LPAR1: variants seen among roughly 807,000 people sequenced by gnomAD.
The protein encoded by LPAR1 is LPA receptor 1.
LPAR1 carries 5 observed loss-of-function variants against 23.8 expected under a neutral mutation model. The observed-to-expected ratio is 0.21, with a 90% CI of 0.11 to 0.44. The LOEUF is 0.44. Among genes scored for constraint, LPAR1 ranks in the 20% least tolerant of loss-of-function variants. LPAR1 has a pLI of 0.99. For missense variants in LPAR1, 311 were observed against 482.8 expected, an observed-to-expected ratio of 0.64 and a Z score of 3.33; for synonymous variants, 160 against 164.7, an observed-to-expected ratio of 0.97 and a Z score of 0.22.
At chr9:111,016,296 T>A (rs940631586) in intron 2 of LPAR1, among the ~76,000 whole-genome samples, 6 of 152,172 alleles carry the variant, frequency 3.9e-5, no homozygotes, top group African/African-American at 1.4e-4. Flanking sequence ...CCAGGTATCA[T>A]AAATACATGA....
intron 5 of LPAR1, among the ~76,000 whole-genome samples, chr9:110,878,783 TAG>T (rs1323199336): frequency 6.6e-6 from 1 of 152,110 alleles, no homozygotes. Flanking sequence ...AGCCCTAGGA[TAG>T]ATTCTCCAAG....
intron 4 of LPAR1, among the ~76,000 whole-genome samples, chr9:110,954,034 G>T (rs2095655100): frequency 6.6e-6 from 1 of 151,890 alleles, no homozygotes; most frequent in Non-Finnish European, 1.5e-5. Flanking sequence ...AATTATAAGA[G>T]AATTCAGATT....
At chr9:110,900,612 AT>A (rs1342898943) in intron 5 of LPAR1, among the ~76,000 whole-genome samples, 1 of 152,176 alleles carries the variant, frequency 6.6e-6, no homozygotes, top group African/African-American at 2.4e-5. Flanking sequence ...TCTACTTTTA[AT>A]GTTACAGTTT....
At chr9:110,892,910 G>A (rs1413937748) in intron 5 of LPAR1, among the ~76,000 whole-genome samples, 1 of 151,764 alleles carries the variant, frequency 6.6e-6, no homozygotes, top group Non-Finnish European at 1.5e-5. Context: ...GCTTAGTGGT[G>A]CAGGCTGCAC....
chr9:111,008,719 C>T (rs573737720), intron 2 of LPAR1, among the ~76,000 whole-genome samples: 3 of 152,178 alleles, frequency 2.0e-5, no homozygotes, highest in African/African-American at 2.4e-5. Flanking sequence ...AATTTATATC[C>T]GGACACTTGC....
At chr9:110,967,580 T>C (rs554567837) in intron 4 of LPAR1, among the ~76,000 whole-genome samples, 1 of 152,332 alleles carries the variant, frequency 6.6e-6, no homozygotes, top group East Asian at 1.9e-4. Context: ...GGATTTATCT[T>C]TACAAGGTCC....
chr9:110,949,845 G>A (rs1259352726), intron 4 of LPAR1, among the ~76,000 whole-genome samples: 4 of 151,994 alleles, frequency 2.6e-5, no homozygotes, highest in Admixed American at 6.6e-5. Flanking sequence ...AATTTCTTAC[G>A]ACTAAATAGG....
chr9:110,896,256 C>T (rs759309726), intron 5 of LPAR1, among the ~76,000 whole-genome samples: 20 of 152,166 alleles, frequency 1.3e-4, no homozygotes, highest in Non-Finnish European at 2.1e-4. Flanking sequence ...ACATTGCTGA[C>T]AATTTTCTTT....
intron 5 of LPAR1, among the ~76,000 whole-genome samples, chr9:110,930,197 T>C (rs548423923): frequency 6.6e-6 from 1 of 152,168 alleles, no homozygotes; most frequent in East Asian, 1.9e-4. Context: ...TTCTTCTCCA[T>C]AGGATGTTAA....
intron 5 of LPAR1, among the ~76,000 whole-genome samples, chr9:110,876,866 G>C (rs1278634621): frequency 6.6e-6 from 1 of 152,144 alleles, no homozygotes; most frequent in African/African-American, 2.4e-5. Flanking sequence ...GGAAAATGGA[G>C]GTTGTAAAAT....
chr9:110,990,283 A>G (rs1219778696), intron 2 of LPAR1, among the ~76,000 whole-genome samples: 2 of 151,940 alleles, frequency 1.3e-5, no homozygotes, highest in Non-Finnish European at 2.9e-5. Context: ...TCAACCCAAC[A>G]CCAGACTACA....
At chr9:110,962,329 C>T (rs527430998) in intron 4 of LPAR1, among the ~76,000 whole-genome samples, 1 of 152,268 alleles carries the variant, frequency 6.6e-6, no homozygotes, top group South Asian at 2.1e-4. Context: ...CTGTCTTTAC[C>T]AGGTTACTGC....
chr9:110,900,154 T>A (rs1333529940), intron 5 of LPAR1, among the ~76,000 whole-genome samples: 1 of 152,216 alleles, frequency 6.6e-6, no homozygotes, highest in Non-Finnish European at 1.5e-5. Context: ...AGAAATCTGA[T>A]GTGAGTCCTT....
chr9:111,032,549 A>G (rs548917990), intron 2 of LPAR1, among the ~76,000 whole-genome samples: 19 of 152,166 alleles, frequency 1.2e-4, no homozygotes, highest in Non-Finnish European at 2.1e-4. Context: ...ATGGGGGGAA[A>G]AAAAGTTTCC....
chr9:110,975,959 A>G (rs980649857), intron 2 of LPAR1, among the ~76,000 whole-genome samples: 3 of 152,246 alleles, frequency 2.0e-5, no homozygotes, highest in Admixed American at 1.3e-4. Context: ...TCAAAGGTAT[A>G]AATCAGTTTT....
At chr9:110,894,586 G>A (rs2085645377) in intron 5 of LPAR1, among the ~76,000 whole-genome samples, 1 of 152,222 alleles carries the variant, frequency 6.6e-6, no homozygotes, top group Non-Finnish European at 1.5e-5. Flanking sequence ...GTGGGAAGCT[G>A]TATTCCCTAC....
intron 4 of LPAR1, 103 bp from the exon 5 acceptor site, chr9:110,942,271 CA>C: frequency 1.0e-6 from 1 of 985,052 alleles, no homozygotes. Flanking sequence ...AACAGAAAAA[CA>C]AAAGCAAATA....
chr9:110,943,957 A>T (rs2095280792), intron 4 of LPAR1, among the ~76,000 whole-genome samples: 1 of 152,122 alleles, frequency 6.6e-6, no homozygotes, highest in Non-Finnish European at 1.5e-5. Flanking sequence ...ATAAAAGTCT[A>T]AACTTTTCAA....
At chr9:110,986,833 A>C (rs888376896) in intron 2 of LPAR1, among the ~76,000 whole-genome samples, 7 of 152,154 alleles carry the variant, frequency 4.6e-5, no homozygotes, top group Admixed American at 3.9e-4. Flanking sequence ...GTAGCTTAAA[A>C]TTCAAGCACC....
Sources: allele counts gnomAD v4.1 joint callset (sites outside exome capture counted in the v4.1 genomes callset), GRCh38; gene constraint gnomAD v4.1.1; transcripts MANE v1.5; gene names NCBI Gene and HGNC (gene_info 2026-07-23, HGNC 2026-07-21).